SVIL: variants seen among roughly 807,000 people sequenced by gnomAD.
The protein encoded by SVIL is supervillin, also known as archvillin.
Under a neutral mutation model 240.4 loss-of-function variants are expected in SVIL, and 101 were observed. The observed-to-expected ratio is 0.42, with a 90% confidence interval of 0.36 to 0.50. The LOEUF is 0.50. SVIL is among the 20% of genes least tolerant of loss of function. The probability of loss-of-function intolerance (pLI) is 0.01; values close to 1 mark genes in which losing one functional copy is unlikely to be tolerated. For synonymous variants in SVIL, 999 were observed against 1,100.0 expected, an observed-to-expected ratio of 0.91 and a Z score of 1.82; for missense variants, 2,512 against 2,818.7, an observed-to-expected ratio of 0.89 and a Z score of 2.46.
rs533036006 is a variant in SVIL, at chr10:29,588,814, T to A, written c.-200-19502A>T. 3.3e-5 allele frequency among the ~76,000 whole-genome samples: 5 copies of A among 152,296 alleles called. No individual in the cohort carries two copies. In the East Asian group the frequency reaches 9.7e-4, roughly 29 times the overall value. On this transcript the variant is annotated intron_variant, in intron 1 of 37. Transcript: ENST00000355867. ...TGCAAGAGATAAATGCGTAACTGAC[T>A]TCCCCCTCCTTTGTTTTCACATGTA... is the stretch of plus-strand genomic sequence containing the variant.
chr10:29,562,263 T>G (rs181260028), intron 3 of SVIL, among the ~76,000 whole-genome samples: 83 of 152,300 alleles, frequency 5.4e-4, no homozygotes, highest in Middle Eastern at 3.4e-3. Context: ...CAAAGACCAA[T>G]CAATGTTTAC....
chr10:29,458,508 G>T lies in SVIL; in HGVS notation c.6484C>A (p.Leu2162Ile), dbSNP rs745408674. ...CCCTCCGGGAGTGGCCTGGCCAGGA[G>T]GTCGGCCAGCGGGTAAATGGTTTTA... ...LCKTIYPLADLLARPLPEGVD... is the reference protein window; with the variant it reads ...LCKTIYPLADILARPLPEGVD... Residue 2162 changes from leucine to isoleucine, a missense_variant, in exon 37 of 38, where the codon CTC becomes ATC. Around this residue, in one of 3 missense-constraint regions of SVIL, gnomAD observed 797 missense variants for 925.3 expected, o/e 0.86. Coordinates refer to ENST00000355867, the MANE Select transcript of SVIL (RefSeq NM_021738.3). The T allele has an allele frequency of 6.3e-7, 1 of 1,597,194 alleles. No individual in the cohort carries two copies. The highest frequency in any genetic ancestry group is 1.3e-5 in the African/African-American group (1 of 74,472).
At chr10:29,663,406 T>A (rs1959180401) in intron 2 of SVIL, among the ~76,000 whole-genome samples, 1 of 152,236 alleles carries the variant, frequency 6.6e-6, no homozygotes, top group Admixed American at 6.5e-5. Flanking sequence ...TTTTTTCTTT[T>A]GAGACACAGT....
intron 2 of SVIL, among the ~76,000 whole-genome samples, chr10:29,668,936 T>A (rs1417499838): frequency 6.6e-6 from 1 of 152,214 alleles, no homozygotes; most frequent in Non-Finnish European, 1.5e-5. Context: ...CTAGAGTCAA[T>A]ACTCCTGGTT....
chr10:29,725,848 A>G (rs547410967), intron 1 of SVIL, among the ~76,000 whole-genome samples: 5 of 152,348 alleles, frequency 3.3e-5, no homozygotes, highest in Non-Finnish European at 7.3e-5. Flanking sequence ...CGTCTAGACT[A>G]GATCCCCATG....
At chr10:29,543,991 C>T (rs563975018) in intron 6 of SVIL, among the ~76,000 whole-genome samples, 40 of 152,196 alleles carry the variant, frequency 2.6e-4, no homozygotes, top group African/African-American at 9.6e-4. Flanking sequence ...ATTGTATTAC[C>T]AGGAAATAAT....
intron 3 of SVIL, among the ~76,000 whole-genome samples, chr10:29,651,419 A>G (rs1958831495): frequency 6.6e-6 from 1 of 152,132 alleles, no homozygotes; most frequent in Non-Finnish European, 1.5e-5. Flanking sequence ...TATCATGGTC[A>G]TGGGCAACAT....
At chr10:29,597,388 ATCTCT>A (rs1171065455) in intron 1 of SVIL, among the ~76,000 whole-genome samples, 6 of 151,908 alleles carry the variant, frequency 3.9e-5, no homozygotes, top group Admixed American at 3.3e-4. Context: ...GCCCACCTGG[ATCTCT>A]TCTAAGAGTT....
At chr10:29,621,483 C>T (rs1957639005) in intron 1 of SVIL, among the ~76,000 whole-genome samples, 1 of 152,260 alleles carries the variant, frequency 6.6e-6, no homozygotes, top group Admixed American at 6.5e-5. Context: ...GCGGGCCAAG[C>T]CCAAGGTGCA....
At chr10:29,710,260 C>T (rs1329550034) in intron 1 of SVIL, among the ~76,000 whole-genome samples, 1 of 152,090 alleles carries the variant, frequency 6.6e-6, no homozygotes, top group African/African-American at 2.4e-5. Flanking sequence ...CACTATATTG[C>T]CCAGGCTAGT....
At chr10:29,728,614 G>A (rs1454504282) in intron 1 of SVIL, among the ~76,000 whole-genome samples, 1 of 152,064 alleles carries the variant, frequency 6.6e-6, no homozygotes, top group Non-Finnish European at 1.5e-5. Context: ...AAAAGGGGGA[G>A]GAAGGAAAGG....
intron 1 of SVIL, among the ~76,000 whole-genome samples, chr10:29,616,834 T>G (rs1246768142): frequency 6.6e-6 from 1 of 152,220 alleles, no homozygotes; most frequent in Non-Finnish European, 1.5e-5. Context: ...GTAGTTCTCC[T>G]GCCTCAGCCT....
chr10:29,513,774 T>C (rs1410177429), intron 16 of SVIL, among the ~76,000 whole-genome samples: 1 of 152,174 alleles, frequency 6.6e-6, no homozygotes, highest in African/African-American at 2.4e-5. Context: ...AGGGGAAGGA[T>C]ATACACAAAA....
At chr10:29,618,620 A>G (rs1321792877) in intron 1 of SVIL, among the ~76,000 whole-genome samples, 2 of 152,196 alleles carry the variant, frequency 1.3e-5, no homozygotes, top group Admixed American at 6.5e-5. Context: ...GGATACAAGC[A>G]GTCCCCAGAG....
intron 1 of SVIL, among the ~76,000 whole-genome samples, chr10:29,574,230 G>T (rs1955583007): frequency 6.6e-6 from 1 of 152,194 alleles, no homozygotes; most frequent in African/African-American, 2.4e-5. Context: ...AGCAAATACT[G>T]AAGTTGCCTT....
intron 6 of SVIL, among the ~76,000 whole-genome samples, chr10:29,542,732 T>A (rs1952277922): frequency 1.3e-5 from 2 of 152,256 alleles, no homozygotes; most frequent in African/African-American, 4.8e-5. Flanking sequence ...ATAGTCGCCC[T>A]GTTGTGCTAA....
chr10:29,487,289 A>G lies in SVIL; in HGVS notation c.4359T>C (p.His1453=), dbSNP rs140484973. The G allele has an allele frequency of 1.5e-3, 2,464 of 1,614,068 alleles. 31 individuals carry two copies. The African/African-American group carries it at 0.029, about 19-fold the overall frequency. The change falls in exon 24 of 38, where the codon CAT becomes CAC. Residue 1453 remains histidine (H), a synonymous_variant. Coordinates refer to ENST00000355867, the MANE Select transcript of SVIL (RefSeq NM_021738.3). The part of the protein sequence containing the change: ...LMLLQIKGRR[H]VQTRLVEPRA... ...GAGGTTCCACCAGCCTGGTCTGCAC[A>G]TGTCTTCTTCCTGAACACGAGGCAG...
chr10:29,569,617 T>A (rs1955280983), intron 1 of SVIL, among the ~76,000 whole-genome samples: 2 of 152,334 alleles, frequency 1.3e-5, no homozygotes, highest in South Asian at 4.1e-4. Context: ...CATTTAAATT[T>A]GTTATGGCAA....
intron 23 of SVIL, among the ~76,000 whole-genome samples, chr10:29,488,165 G>A (rs200993581): frequency 1.3e-5 from 2 of 152,084 alleles, no homozygotes; most frequent in South Asian, 2.1e-4. Flanking sequence ...TCTCCAAGCT[G>A]TGTCTTCCTC....
Sources: allele counts gnomAD v4.1 joint callset (sites outside exome capture counted in the v4.1 genomes callset), GRCh38; gene constraint gnomAD v4.1.1; regional missense constraint gnomAD v4.1.1; transcripts MANE v1.5; gene names NCBI Gene and HGNC (gene_info 2026-07-23, HGNC 2026-07-21).